Variants in NRCAM observed in about 807,000 individuals in gnomAD.
NRCAM encodes the protein neuronal cell adhesion molecule, also known as NgCAM-related cell adhesion molecule.
In NRCAM, 83 loss-of-function variants were observed where a neutral mutation model predicts 156.5. The observed-to-expected ratio is 0.53, with a 90% CI of 0.44 to 0.64. The LOEUF is 0.64. Among genes scored for constraint, NRCAM ranks in the 30% least tolerant of loss-of-function variants. The pLI is 0.00. For missense variants in NRCAM, 1,417 were observed against 1,597.3 expected (o/e 0.89, Z 1.92); for synonymous variants, 538 against 563.9 (o/e 0.95, Z 0.65).
intron 3 of NRCAM, among the ~76,000 whole-genome samples, chr7:108,302,142 T>C (rs1384134348): frequency 3.3e-5 from 5 of 152,080 alleles, no homozygotes; most frequent in Non-Finnish European, 7.4e-5. Context: ...TTAGTAATAA[T>C]GACATATTGT....
intron 2 of NRCAM, among the ~76,000 whole-genome samples, chr7:108,397,104 T>A (rs1293583716): frequency 6.6e-6 from 1 of 152,012 alleles, no homozygotes. Flanking sequence ...AGATTTAGAA[T>A]AAGAGAAAAA....
chr7:108,295,568 C>A (rs2098437535), intron 3 of NRCAM, among the ~76,000 whole-genome samples: 1 of 152,196 alleles, frequency 6.6e-6, no homozygotes, highest in Admixed American at 6.6e-5. Flanking sequence ...TAGGGCTTAA[C>A]CTCATGACTT....
intron 3 of NRCAM, among the ~76,000 whole-genome samples, chr7:108,306,470 T>G (rs2098716557): frequency 6.6e-6 from 1 of 152,204 alleles, no homozygotes; most frequent in African/African-American, 2.4e-5. Flanking sequence ...ACTGGGCCAT[T>G]TCTTCTATGG....
intron 2 of NRCAM, among the ~76,000 whole-genome samples, chr7:108,339,727 C>T (rs2099252805): frequency 6.6e-6 from 1 of 152,022 alleles, no homozygotes; most frequent in African/African-American, 2.4e-5. Context: ...GCATTAGGAC[C>T]ATAGAGGACG....
At chr7:108,383,833 T>C (rs1444597186) in intron 2 of NRCAM, among the ~76,000 whole-genome samples, 1 of 152,176 alleles carries the variant, frequency 6.6e-6, no homozygotes, top group Non-Finnish European at 1.5e-5. Flanking sequence ...TTGGTTTTTT[T>C]CTTCTGACTC....
chr7:108,238,356 G>A (rs2095274760), intron 4 of NRCAM, among the ~76,000 whole-genome samples: 1 of 152,104 alleles, frequency 6.6e-6, no homozygotes, highest in East Asian at 1.9e-4. Flanking sequence ...AATCACTCAG[G>A]GGTTGCTGGT....
Position 108,250,053 on chromosome 7 carries a change from C to T in NRCAM, c.-106-9883G>A, listed in dbSNP as rs141345714. Among the ~76,000 whole-genome samples the T allele has an allele frequency of 9.6e-3, 1,462 of 152,248 alleles. 23 individuals carry two copies. Among genetic ancestry groups the T allele is most frequent in the African/African-American group, 0.033 (1,363 of 41,524 alleles). On this transcript the variant is annotated intron_variant, in intron 3 of 32. Transcript: ENST00000379028. ...ACAATAGTCAAAATTTGGAAGTCAT[C>T]TACGTGTCCATCAACCCATAAATGG...
At chr7:108,157,574 A>T (rs2046285330) in intron 32 of NRCAM, among the ~76,000 whole-genome samples, 1 of 152,126 alleles carries the variant, frequency 6.6e-6, no homozygotes, top group African/African-American at 2.4e-5. Flanking sequence ...CATTTTTTAG[A>T]ACAGATCCAG....
At chr7:108,319,855 AGGCCT>A (rs1429903167) in intron 2 of NRCAM, among the ~76,000 whole-genome samples, 1 of 152,240 alleles carries the variant, frequency 6.6e-6, no homozygotes, top group African/African-American at 2.4e-5. Context: ...AAGCAGACAG[AGGCCT>A]GGCCACTTGG....
intron 2 of NRCAM, among the ~76,000 whole-genome samples, chr7:108,337,546 C>T (rs1382964081): frequency 6.6e-6 from 1 of 152,200 alleles, no homozygotes; most frequent in African/African-American, 2.4e-5. Context: ...GCCATTGTTC[C>T]TGCATGGCTA....
Position 108,240,008 on chromosome 7 carries a change from C to A in NRCAM, c.57G>T (p.Leu19=), listed in dbSNP as rs770948539. 1.2e-5 allele frequency: 20 copies of A among 1,613,394 alleles called. No individual in the cohort carries two copies. In the South Asian group the frequency reaches 2.2e-4, roughly 18 times the overall value. Residue 19 remains leucine, a synonymous_variant, in exon 4 of 33, where the codon CTG becomes CTT. Coordinates refer to ENST00000379028, the MANE Select transcript of NRCAM (RefSeq NM_001037132.4). ...TAATCATCTGGCACAGGAAGAGAAT[C>A]AGGGGCACTCTGCCCGCAGATAAGC... is the stretch of plus-strand genomic sequence containing the variant. ...KKRLSAGRVP[L]ILFLCQMISA...
intron 2 of NRCAM, among the ~76,000 whole-genome samples, chr7:108,318,123 G>A (rs1474101651): frequency 8.0e-6 from 1 of 124,858 alleles, no homozygotes; most frequent in Non-Finnish European, 1.6e-5. Flanking sequence ...TTGGCTCACC[G>A]CAAGCTCTGC....
chr7:108,422,668 A>G (rs1031671413), intron 1 of NRCAM, among the ~76,000 whole-genome samples: 1 of 152,204 alleles, frequency 6.6e-6, no homozygotes, highest in Non-Finnish European at 1.5e-5. Flanking sequence ...ACTGAAGTGA[A>G]TCTACACCCC....
At chr7:108,353,276 T>C (rs1013695004) in intron 2 of NRCAM, among the ~76,000 whole-genome samples, 2 of 152,142 alleles carry the variant, frequency 1.3e-5, no homozygotes, top group African/African-American at 2.4e-5. Flanking sequence ...CATTTTAGAA[T>C]CCTAAATCCT....
chr7:108,210,138 G>A (rs1033802294), intron 11 of NRCAM, among the ~76,000 whole-genome samples: 1 of 152,058 alleles, frequency 6.6e-6, no homozygotes, highest in Non-Finnish European at 1.5e-5. Flanking sequence ...ATAAGGGAAA[G>A]AGCTTTTTTT....
chr7:108,201,242 G>A lies in NRCAM; in HGVS notation c.1208-3143C>T, dbSNP rs548716413. On this transcript the variant is annotated intron_variant, in intron 13 of 32. Transcript: ENST00000379028. ...ACCCAGCACTTGGGCTCTCAGTGCT[G>A]GGACTCTTCAGGGCACTCTCGGTGC... is the stretch of plus-strand genomic sequence containing the variant. 4.6e-5 allele frequency among the ~76,000 whole-genome samples: 7 copies of A among 151,808 alleles called. No individual in the cohort carries two copies. In the East Asian group the frequency reaches 1.2e-3, roughly 25 times the overall value.
At chr7:108,384,294 C>A (rs2099725727) in intron 2 of NRCAM, among the ~76,000 whole-genome samples, 1 of 151,714 alleles carries the variant, frequency 6.6e-6, no homozygotes, top group African/African-American at 2.4e-5. Context: ...AGGAGAGAAC[C>A]CTTGATCCAG....
chr7:108,271,998 TGA>T (rs1563049349), intron 3 of NRCAM, among the ~76,000 whole-genome samples: 1 of 152,190 alleles, frequency 6.6e-6, no homozygotes, highest in Admixed American at 6.5e-5. Context: ...GTAAGACTTA[TGA>T]GCAAAAAGGG....
At chr7:108,288,025 G>A (rs118047253) in intron 3 of NRCAM, among the ~76,000 whole-genome samples, 572 of 152,070 alleles carry the variant, frequency 3.8e-3, no homozygotes, top group Non-Finnish European at 5.9e-3. Flanking sequence ...GCACACATAC[G>A]TATACACATA....
Sources: gnomAD v4.1 joint callset for allele counts (sites outside exome capture counted in the v4.1 genomes callset) on GRCh38, gnomAD v4.1.1 for gene constraint, MANE v1.5 for transcripts, NCBI Gene and HGNC (gene_info 2026-07-23, HGNC 2026-07-21) for gene names.